Variants in TM9SF3 observed in about 807,000 individuals in gnomAD.
TM9SF3 encodes transmembrane 9 superfamily member 3.
A neutral mutation model predicts 78.6 loss-of-function variants in TM9SF3; 14 were observed. The ratio of observed to expected loss-of-function variants is 0.18; its 90% CI spans 0.12 to 0.28. The LOEUF is 0.28. Among genes scored for constraint, TM9SF3 ranks in the 10% least tolerant of loss-of-function variants. TM9SF3 has a pLI of 1.00. For missense variants in TM9SF3, 496 were observed against 721.9 expected, an observed-to-expected ratio of 0.69 and a Z score of 3.59; for synonymous variants, 231 against 241.7, an observed-to-expected ratio of 0.96 and a Z score of 0.41.
chr10:96,559,404 T>C (rs1479459120), intron 5 of TM9SF3, among the ~76,000 whole-genome samples: 2 of 117,624 alleles, frequency 1.7e-5, no homozygotes, highest in South Asian at 3.2e-4. Flanking sequence ...TAGTGATATT[T>C]TGGCTTCCCG....
At chr10:96,571,368 C>A (rs1165935100) in intron 2 of TM9SF3, among the ~76,000 whole-genome samples, 2 of 152,292 alleles carry the variant, frequency 1.3e-5, no homozygotes, top group East Asian at 3.9e-4. Context: ...ACCAGTGGCA[C>A]CTTCCTCTAG....
chr10:96,568,994 C>A (rs1254407566), intron 2 of TM9SF3, among the ~76,000 whole-genome samples: 1 of 151,962 alleles, frequency 6.6e-6, no homozygotes, highest in African/African-American at 2.4e-5. Context: ...TCGAGACCAG[C>A]CTGAGCAACA....
chr10:96,537,684 T>C (rs1466642721), intron 9 of TM9SF3, among the ~76,000 whole-genome samples: 1 of 152,066 alleles, frequency 6.6e-6, no homozygotes, highest in Non-Finnish European at 1.5e-5. Context: ...ATACAAAAAT[T>C]AGCTGGGCGT....
At chr10:96,529,170 A>G (rs1180115268) in intron 11 of TM9SF3, among the ~76,000 whole-genome samples, 2 of 152,182 alleles carry the variant, frequency 1.3e-5, no homozygotes, top group African/African-American at 2.4e-5. Flanking sequence ...AAGTTCCTGA[A>G]CTGACTTTAA....
intron 11 of TM9SF3, among the ~76,000 whole-genome samples, chr10:96,528,459 A>G (rs1028513511): frequency 6.6e-6 from 1 of 152,166 alleles, no homozygotes; most frequent in Non-Finnish European, 1.5e-5. Context: ...ATAATGTAGA[A>G]AAGAACAAAT....
chr10:96,567,924 T>C (rs982640111), intron 2 of TM9SF3, among the ~76,000 whole-genome samples: 17 of 152,342 alleles, frequency 1.1e-4, no homozygotes, highest in Admixed American at 8.5e-4. Flanking sequence ...TGTATGTTTG[T>C]ACAGAAGGAG....
At chr10:96,585,534 C>A (rs1848619157) in intron 1 of TM9SF3, among the ~76,000 whole-genome samples, 1 of 152,206 alleles carries the variant, frequency 6.6e-6, no homozygotes, top group South Asian at 2.1e-4. Context: ...CATACCTACA[C>A]AGGTAAGAAG....
chr10:96,536,023 C>T (rs1295060884), intron 9 of TM9SF3, among the ~76,000 whole-genome samples: 1 of 152,012 alleles, frequency 6.6e-6, no homozygotes, highest in African/African-American at 2.4e-5. Context: ...AAAATTAATA[C>T]TTTCACCATA....
At chr10:96,576,480 G>T in intron 2 of TM9SF3, 154 bp downstream of exon 2, 1 of 595,594 alleles carries the variant, frequency 1.7e-6, no homozygotes, top group Non-Finnish European at 2.5e-6. Flanking sequence ...GGCATCTGGG[G>T]GGTACAGGCC....
intron 7 of TM9SF3, among the ~76,000 whole-genome samples, chr10:96,550,066 A>T (rs1389948584): frequency 1.3e-5 from 2 of 152,220 alleles, no homozygotes; most frequent in African/African-American, 4.8e-5. Context: ...GCCCGAAAAT[A>T]TGAACTACTC....
chr10:96,561,214 G>A (rs774848754), intron 4 of TM9SF3, among the ~76,000 whole-genome samples: 4 of 151,718 alleles, frequency 2.6e-5, no homozygotes, highest in Middle Eastern at 3.4e-3. Context: ...AATCACCTTC[G>A]TATCTCCTTA....
In TM9SF3 at chr10:96,586,897, C is replaced by T. The variant is rs904669174; in HGVS notation, c.-62G>A. 4.8e-4 allele frequency: 532 copies of T among 1,116,486 alleles called. 2 individuals carry two copies. In the African/African-American group the frequency reaches 6.0e-3, roughly 13 times the overall value. 69.2% of individuals were successfully genotyped at this position (1,116,486 alleles called of 1,614,324 possible). On this transcript the variant is annotated 5_prime_UTR_variant, in exon 1 of 15. Transcript: ENST00000371142. ...CTCCTCCTCCCGCCGCCGCCTCCTC[C>T]GCCGCCGCCGCCTCCGCCGCGGCCG... is the stretch of plus-strand genomic sequence containing the variant.
chr10:96,553,115 T>C (rs1051508516), intron 5 of TM9SF3, 56 bp from the exon 6 acceptor site: 9 of 1,505,662 alleles, frequency 6.0e-6, no homozygotes, highest in Admixed American at 2.3e-5. Flanking sequence ...ACAAAATTCA[T>C]AGGTTCCATG....
chr10:96,553,325 A>G (rs1398823028), intron 5 of TM9SF3, among the ~76,000 whole-genome samples: 1 of 152,216 alleles, frequency 6.6e-6, no homozygotes, highest in Non-Finnish European at 1.5e-5. Context: ...TTAAAAACAA[A>G]AAGTACAATT....
intron 14 of TM9SF3, 29 bp downstream of exon 14, chr10:96,527,184 C>A: frequency 6.4e-7 from 1 of 1,573,176 alleles, no homozygotes; most frequent in East Asian, 2.2e-5. Flanking sequence ...CAGATTTACT[C>A]ATGATGTTCA....
chr10:96,568,953 C>T (rs1848409133), intron 2 of TM9SF3, among the ~76,000 whole-genome samples: 1 of 152,044 alleles, frequency 6.6e-6, no homozygotes, highest in African/African-American at 2.4e-5. Context: ...TTAGGAGGCC[C>T]AAGGCAGACT....
rs1284325891 is a variant in TM9SF3 at position 96,587,006 on chromosome 10, C to G, written c.-171G>C. 2.9e-6 allele frequency: 1 copy of G among 343,268 alleles called. No homozygotes were observed. The highest frequency in any genetic ancestry group is 4.6e-6 in the Non-Finnish European group (1 of 215,494). The allele number at this position is 343,268 out of a possible 1,614,324, so 21.3% of individuals were successfully genotyped here. A position where few individuals can be genotyped will look rare whatever the true frequency, so the allele number is the denominator to read the frequency against. Reference sequence around the variant, plus strand: ...TGCCGCCGCCGTCGCCGTCACCGCCCGCTCCTGAGCCTCCCCCGCCCCCCG... The same window carrying G: ...TGCCGCCGCCGTCGCCGTCACCGCCGGCTCCTGAGCCTCCCCCGCCCCCCG... On this transcript the variant is annotated 5_prime_UTR_variant, in exon 1 of 15. Transcript: ENST00000371142.
chr10:96,528,024 T>A lies in TM9SF3; in HGVS notation c.1541+7A>T, dbSNP rs760443604. ...CCCCAAATTTCTATCCACAAATAGG[T>A]ACTTACCACCGGTAATCTTCTGCAT... On this transcript the variant is annotated splice_region_variant and intron_variant, in intron 12 of 14. Coordinates refer to ENST00000371142, the MANE Select transcript of TM9SF3 (RefSeq NM_020123.4). 4.1e-5 allele frequency: 66 copies of A among 1,607,296 alleles called. No homozygotes were observed. Among genetic ancestry groups the A allele is most frequent in the Admixed American group, 1.4e-4 (8 of 59,168 alleles).
intron 1 of TM9SF3, among the ~76,000 whole-genome samples, chr10:96,578,711 T>C (rs915288098): frequency 6.6e-6 from 1 of 152,206 alleles, no homozygotes; most frequent in Non-Finnish European, 1.5e-5. Context: ...AACATAGATA[T>C]TGCCTCAGAG....
Sources: gnomAD v4.1 joint callset for allele counts (sites outside exome capture counted in the v4.1 genomes callset) on GRCh38, gnomAD v4.1.1 for gene constraint, MANE v1.5 for transcripts, NCBI Gene and HGNC (gene_info 2026-07-23, HGNC 2026-07-21) for gene names.